The following IFT122 variants were observed in gnomAD, a reference collection of about 807,000 sequenced individuals.
IFT122 encodes intraflagellar transport protein 122 homolog.
IFT122 carries 118 observed loss-of-function variants against 161.6 expected under a neutral mutation model. That is an observed-to-expected ratio of 0.73 (90% CI 0.63 to 0.85). IFT122 has a LOEUF of 0.85. Ranked by LOEUF, IFT122 falls within the 40% of genes least tolerant of loss-of-function variation. IFT122 has a pLI of 0.00. For synonymous variants in IFT122, 550 were observed against 602.4 expected (o/e 0.91, Z 1.27); for missense variants, 1,381 against 1,579.6 (o/e 0.87, Z 2.13).
intron 18 of IFT122, among the ~76,000 whole-genome samples, chr3:129,496,940 G>A (rs751979422): frequency 1.3e-5 from 2 of 152,170 alleles, no homozygotes; most frequent in African/African-American, 2.4e-5. Context: ...ATTTAGGGTT[G>A]GGAACCCCTG....
rs936130434 is a variant in IFT122, at chr3:129,467,133, A to G, written c.740+67A>G. On this transcript the variant is annotated intron_variant, in intron 8 of 29. Coordinates refer to ENST00000348417, the MANE Select transcript of IFT122 (RefSeq NM_052989.3). ...CCAGGCCCCACACAGACTTGCCAGGACAGATGTTAAACTCTTTGGCCAAGG... is the reference window on the plus strand; with the variant it reads ...CCAGGCCCCACACAGACTTGCCAGGGCAGATGTTAAACTCTTTGGCCAAGG... The G allele has an allele frequency of 2.4e-5, 35 of 1,488,202 alleles. No homozygotes were observed. The African/African-American group carries it at 4.4e-4, about 19-fold the overall frequency. The allele number at this position is 1,488,202 out of a possible 1,614,324, so 92.2% of individuals were successfully genotyped here.
chr3:129,454,513 TTGTGTGTGTGTGTGTG>T (rs61557048), intron 3 of IFT122, among the ~76,000 whole-genome samples: 43 of 131,280 alleles, frequency 3.3e-4, no homozygotes, highest in African/African-American at 4.8e-4. Flanking sequence ...GTAGTCATAT[TTGTGTGTGTGTGTGTG>T]TGTGTGTGTG....
intron 8 of IFT122, among the ~76,000 whole-genome samples, chr3:129,469,044 A>G (rs1359914277): frequency 6.6e-6 from 1 of 152,156 alleles, no homozygotes; most frequent in Non-Finnish European, 1.5e-5. Context: ...GCTCCCCAGT[A>G]AGCTCTGAAA....
intron 15 of IFT122, among the ~76,000 whole-genome samples, chr3:129,484,100 G>A (rs1446122791): frequency 6.6e-6 from 1 of 151,950 alleles, no homozygotes; most frequent in Non-Finnish European, 1.5e-5. Flanking sequence ...GAGTGGGTGG[G>A]GGGTGTGGGC....
chr3:129,481,780 G>T (rs1255258928), intron 14 of IFT122, 86 bp downstream of exon 14: 25 of 1,471,854 alleles, frequency 1.7e-5, no homozygotes, highest in Non-Finnish European at 2.3e-5. Flanking sequence ...AGGCTCTCCT[G>T]CTCTGGCCCA....
intron 5 of IFT122, among the ~76,000 whole-genome samples, chr3:129,462,869 C>T (rs1019150894): frequency 3.9e-5 from 6 of 152,112 alleles, no homozygotes; most frequent in Non-Finnish European, 8.8e-5. Context: ...AGGCACAGCT[C>T]AGATAGAGTC....
intron 15 of IFT122, among the ~76,000 whole-genome samples, chr3:129,484,219 G>A (rs1233239354): frequency 6.6e-6 from 1 of 152,064 alleles, no homozygotes; most frequent in Non-Finnish European, 1.5e-5. Context: ...CAGAATGGGG[G>A]AGGGCAGAAC....
Position 129,492,872 on chromosome 3 carries a change from G to A in IFT122, c.2046+678G>A, listed in dbSNP as rs1192211513. 6.2e-5 allele frequency among the ~76,000 whole-genome samples: 9 copies of A among 145,114 alleles called. No homozygotes were observed. The East Asian group carries it at 1.2e-3, about 20-fold the overall frequency. ...CTCACTCTGTTCCCCAGGCTCAAGC[G>A]CAGTGGCACGATCACAGCTTACTGC... On this transcript the variant is annotated intron_variant, in intron 17 of 29. Transcript: ENST00000348417.
At chr3:129,511,732 C>T (rs1270345288) in intron 23 of IFT122, among the ~76,000 whole-genome samples, 1 of 152,202 alleles carries the variant, frequency 6.6e-6, no homozygotes, top group Non-Finnish European at 1.5e-5. Flanking sequence ...GGAAATGGGT[C>T]AGCAGTTGAG....
At chr3:129,465,571 C>T (rs549280356) in intron 7 of IFT122, among the ~76,000 whole-genome samples, 148 of 150,634 alleles carry the variant, frequency 9.8e-4, no homozygotes, top group East Asian at 3.1e-3. Flanking sequence ...CTCGGGTTCA[C>T]GCAGTTCTCC....
chr3:129,480,509 A>G (rs979328583), intron 13 of IFT122, among the ~76,000 whole-genome samples: 2 of 152,232 alleles, frequency 1.3e-5, no homozygotes, highest in African/African-American at 4.8e-5. Flanking sequence ...GAAAGTGACA[A>G]TGTAGCTGCA....
At chr3:129,458,793 T>A in intron 4 of IFT122, 116 bp downstream of exon 4, 1 of 784,154 alleles carries the variant, frequency 1.3e-6, no homozygotes, top group Non-Finnish European at 2.2e-6. Context: ...AACTTGAAAT[T>A]AAGTTGTGGG....
chr3:129,443,639 G>A (rs755142655), intron 1 of IFT122, among the ~76,000 whole-genome samples: 1 of 152,198 alleles, frequency 6.6e-6, no homozygotes, highest in East Asian at 1.9e-4. Flanking sequence ...GTAGAACATG[G>A]CCATTGCTTT....
intron 7 of IFT122, among the ~76,000 whole-genome samples, chr3:129,466,495 C>CTTTTTTTTTTTTTTT (rs527470540): frequency 2.9e-5 from 3 of 102,178 alleles, no homozygotes; most frequent in Non-Finnish European, 5.8e-5. Context: ...TATTTTTATT[C>CTTTTTTTTTTTTTTT]TTTTTTTTTT....
At chr3:129,497,263 T>C (rs1438539446) in intron 18 of IFT122, among the ~76,000 whole-genome samples, 2 of 151,938 alleles carry the variant, frequency 1.3e-5, no homozygotes, top group East Asian at 3.9e-4. Flanking sequence ...GCAAGACCCA[T>C]GTCAAAAAAA....
chr3:129,454,559 A>ATGTGTGTG (rs1553734649), intron 3 of IFT122, among the ~76,000 whole-genome samples: 9 of 95,904 alleles, frequency 9.4e-5, no homozygotes, highest in African/African-American at 1.6e-4. Context: ...GTGTGTGTGC[A>ATGTGTGTG]TGTTTGAGTT....
At chr3:129,496,869 C>T (rs1381937018) in intron 18 of IFT122, among the ~76,000 whole-genome samples, 3 of 152,104 alleles carry the variant, frequency 2.0e-5, no homozygotes, top group East Asian at 1.9e-4. Flanking sequence ...TCTCTGCTTC[C>T]GGGGATAACA....
intron 8 of IFT122, among the ~76,000 whole-genome samples, chr3:129,467,286 G>A (rs772464740): frequency 6.7e-6 from 1 of 149,220 alleles, no homozygotes; most frequent in East Asian, 1.9e-4. Context: ...AAGACTAAAG[G>A]AGAAAGTTCA....
intron 1 of IFT122, among the ~76,000 whole-genome samples, chr3:129,449,106 TCTTTTA>T (rs1428748456): frequency 2.6e-5 from 4 of 152,224 alleles, no homozygotes; most frequent in Non-Finnish European, 5.9e-5. Flanking sequence ...TGCCGAAGAC[TCTTTTA>T]CCTTCACTAT....
Sources: allele counts gnomAD v4.1 joint callset (sites outside exome capture counted in the v4.1 genomes callset), GRCh38; gene constraint gnomAD v4.1.1; transcripts MANE v1.5; gene names NCBI Gene and HGNC (gene_info 2026-07-23, HGNC 2026-07-21).